Variants in NEK11 observed in about 807,000 individuals in gnomAD.
NEK11 encodes serine/threonine-protein kinase Nek11.
In NEK11, 72 loss-of-function variants were observed where a neutral mutation model predicts 80.7. That is an observed-to-expected ratio of 0.89 (90% CI 0.74 to 1.08). NEK11 has a LOEUF of 1.08. NEK11 is among the 50% of genes least tolerant of loss of function. The probability of loss-of-function intolerance (pLI) is 0.00; values close to 1 mark genes in which losing one functional copy is unlikely to be tolerated. For synonymous variants in NEK11, 251 were observed against 260.7 expected, an observed-to-expected ratio of 0.96 and a Z score of 0.36; for missense variants, 764 against 763.6, an observed-to-expected ratio of 1.00 and a Z score of -0.01.
chr3:131,253,980 G>A (rs1477686156), intron 16 of NEK11, among the ~76,000 whole-genome samples: 1 of 152,054 alleles, frequency 6.6e-6, no homozygotes, highest in Admixed American at 6.6e-5. Context: ...TCTTTTCCTT[G>A]CTACCTCCCC....
chr3:131,163,500 A>G (rs758569212), intron 11 of NEK11, among the ~76,000 whole-genome samples: 3 of 152,134 alleles, frequency 2.0e-5, no homozygotes, highest in Non-Finnish European at 4.4e-5. Flanking sequence ...TAGAAAGACA[A>G]ATACTGCATG....
intron 17 of NEK11, among the ~76,000 whole-genome samples, chr3:131,275,066 T>C (rs991749623): frequency 1.3e-5 from 2 of 152,172 alleles, no homozygotes; most frequent in Non-Finnish European, 1.5e-5. Flanking sequence ...TTCATGTGTT[T>C]TTTTGGCTGC....
At chr3:131,148,124 G>A (rs2088770720) in intron 7 of NEK11, among the ~76,000 whole-genome samples, 1 of 151,582 alleles carries the variant, frequency 6.6e-6, no homozygotes. Context: ...AGTTGAGATG[G>A]TGATACAATT....
In NEK11 at chr3:131,258,881, G is replaced by A. The variant is rs1009386749; in HGVS notation, c.1622-14597G>A. Among the ~76,000 whole-genome samples the A allele has an allele frequency of 9.3e-4, 141 of 152,274 alleles. 1 individual carries two copies. The highest frequency in any genetic ancestry group is 1.9e-3 in the Admixed American group (29 of 15,270). On this transcript the variant is annotated intron_variant, in intron 16 of 17. Coordinates refer to ENST00000383366, the MANE Select transcript of NEK11 (RefSeq NM_024800.5). Reference sequence around the variant, plus strand: ...ACTATTTAATTTTGGTGTAGGCAGTGGAGTCCTATTGATACACTGAGAAGC... The same window carrying A: ...ACTATTTAATTTTGGTGTAGGCAGTAGAGTCCTATTGATACACTGAGAAGC...
intron 5 of NEK11, among the ~76,000 whole-genome samples, chr3:131,122,722 C>T (rs2082607186): frequency 1.3e-5 from 2 of 152,202 alleles, no homozygotes; most frequent in East Asian, 1.9e-4. Flanking sequence ...GAGGAATTGT[C>T]CATACCTTCT....
At chr3:131,301,134 G>A (rs184649599) in intron 17 of NEK11, among the ~76,000 whole-genome samples, 112 of 152,170 alleles carry the variant, frequency 7.4e-4, no homozygotes, top group Non-Finnish European at 1.3e-3. Context: ...TGTTCTTTCC[G>A]TGGCTATTGT....
At chr3:131,315,699 C>T (rs1289571135) in intron 17 of NEK11, among the ~76,000 whole-genome samples, 1 of 151,984 alleles carries the variant, frequency 6.6e-6, no homozygotes, top group Non-Finnish European at 1.5e-5. Flanking sequence ...TTTCCTGATG[C>T]TATCCCTCCC....
At chr3:131,113,995 CT>C (rs1022606156) in intron 5 of NEK11, among the ~76,000 whole-genome samples, 20 of 148,516 alleles carry the variant, frequency 1.3e-4, no homozygotes, top group Non-Finnish European at 2.7e-4. Context: ...TGAAAAATTT[CT>C]TGTATTTCTG....
chr3:131,029,576 A>G (rs985196058), intron 2 of NEK11, 37 bp from the exon 3 acceptor site: 3 of 806,788 alleles, frequency 3.7e-6, no homozygotes, highest in African/African-American at 3.5e-5. Flanking sequence ...TCGTTTAGCA[A>G]CCTTTAGACC....
At chr3:131,238,325 A>C (rs929068092) in intron 15 of NEK11, among the ~76,000 whole-genome samples, 3 of 152,158 alleles carry the variant, frequency 2.0e-5, no homozygotes, top group African/African-American at 7.2e-5. Context: ...CCTCTGCTAG[A>C]ATGAAAGCCA....
chr3:131,082,500 C>G (rs2075412155), intron 4 of NEK11, among the ~76,000 whole-genome samples: 1 of 152,224 alleles, frequency 6.6e-6, no homozygotes, highest in African/African-American at 2.4e-5. Context: ...TATAGTTGTG[C>G]TGTCTAATAT....
At chr3:131,286,711 C>T (rs1015540811) in intron 17 of NEK11, among the ~76,000 whole-genome samples, 3 of 152,270 alleles carry the variant, frequency 2.0e-5, no homozygotes, top group Admixed American at 2.0e-4. Flanking sequence ...GCAACATGAA[C>T]CTTTCAATTC....
intron 4 of NEK11, among the ~76,000 whole-genome samples, chr3:131,094,029 C>A (rs898485767): frequency 2.0e-5 from 3 of 148,978 alleles, no homozygotes; most frequent in Admixed American, 6.8e-5. Context: ...CCCTAGTCAG[C>A]TTTACCTTGA....
chr3:131,027,856 T>A (rs1307387603), intron 1 of NEK11, 74 bp from the exon 2 acceptor site: 1 of 152,168 alleles, frequency 6.6e-6, no homozygotes, highest in Non-Finnish European at 1.5e-5. Flanking sequence ...GGGTTTAGAC[T>A]GTCCTTTAAA....
At chr3:131,162,321 T>A in intron 10 of NEK11, 87 bp from the exon 11 acceptor site, 3 of 1,514,452 alleles carry the variant, frequency 2.0e-6, no homozygotes, top group Non-Finnish European at 2.7e-6. Context: ...CTCTCAGTAG[T>A]GTAGTGATAC....
Position 131,326,820 on chromosome 3 carries a change from C to T in NEK11, c.1719-22737C>T, listed in dbSNP as rs372610082. Among the ~76,000 whole-genome samples the T allele has an allele frequency of 1.6e-4, 24 of 152,276 alleles. 1 individual carries two copies. The highest frequency in any genetic ancestry group is 5.8e-4 in the African/African-American group (24 of 41,558). ...GCTTGAATGTGACCCCTTCAAAATT[C>T]ATATGGAAACTTAATCTTCATTGAG... is the stretch of plus-strand genomic sequence containing the variant. On this transcript the variant is annotated intron_variant, in intron 17 of 17. Coordinates refer to ENST00000383366, the MANE Select transcript of NEK11 (RefSeq NM_024800.5).
At chr3:131,079,156 T>A (rs2074850015) in intron 3 of NEK11, among the ~76,000 whole-genome samples, 1 of 152,160 alleles carries the variant, frequency 6.6e-6, no homozygotes, top group Admixed American at 6.5e-5. Flanking sequence ...AGTCATAAAT[T>A]TACAATGATG....
intron 5 of NEK11, among the ~76,000 whole-genome samples, chr3:131,111,668 C>T (rs1434621082): frequency 6.6e-6 from 1 of 152,096 alleles, no homozygotes; most frequent in African/African-American, 2.4e-5. Context: ...CCTGTTTCCT[C>T]ATCTATTAGA....
intron 17 of NEK11, among the ~76,000 whole-genome samples, chr3:131,303,671 A>G (rs1160558617): frequency 6.6e-6 from 1 of 152,182 alleles, no homozygotes; most frequent in Non-Finnish European, 1.5e-5. Context: ...AATGCTGGAT[A>G]TAGGCCCCCT....
Sources: gnomAD v4.1 joint callset for allele counts (sites outside exome capture counted in the v4.1 genomes callset) on GRCh38, gnomAD v4.1.1 for gene constraint, MANE v1.5 for transcripts, NCBI Gene and HGNC (gene_info 2026-07-23, HGNC 2026-07-21) for gene names.